Variants in PIK3AP1 observed in about 807,000 individuals in gnomAD.
PIK3AP1 encodes the protein phosphoinositide 3-kinase adapter protein 1.
In PIK3AP1, 21 loss-of-function variants were observed where a neutral mutation model predicts 88.1. The observed-to-expected ratio is 0.24, with a 90% CI of 0.17 to 0.34. The LOEUF (loss-of-function observed/expected upper bound fraction) is 0.34. Among genes scored for constraint, PIK3AP1 ranks in the 10% least tolerant of loss-of-function variants. The pLI is 1.00. For synonymous variants in PIK3AP1, 398 were observed against 400.0 expected (o/e 1.00, Z 0.06); for missense variants, 828 against 1,035.7 (o/e 0.80, Z 2.75).
At chr10:96,646,989 C>G (rs1843468899) in intron 7 of PIK3AP1, among the ~76,000 whole-genome samples, 1 of 152,162 alleles carries the variant, frequency 6.6e-6, no homozygotes, top group Non-Finnish European at 1.5e-5. Flanking sequence ...AAACAGATGA[C>G]AGCTGTGAAA....
At chr10:96,648,401 C>T (rs1023941689) in intron 7 of PIK3AP1, among the ~76,000 whole-genome samples, 6 of 152,148 alleles carry the variant, frequency 3.9e-5, no homozygotes, top group African/African-American at 1.4e-4. Flanking sequence ...GATTATCTTC[C>T]TTCTGCATAT....
chr10:96,616,561 C>T (rs1849217944), intron 13 of PIK3AP1, 78 bp downstream of exon 13: 1 of 1,508,860 alleles, frequency 6.6e-7, no homozygotes, highest in African/African-American at 1.4e-5. Flanking sequence ...CCCACTCAGG[C>T]CACAGCCAAA....
At chr10:96,597,292 T>TTCCTTCCTTCCTTCCC in intron 16 of PIK3AP1, among the ~76,000 whole-genome samples, 1 of 127,364 alleles carries the variant, frequency 7.9e-6, no homozygotes, top group African/African-American at 3.1e-5. Flanking sequence ...CCTTCCTTCC[T>TTCCTTCCTTCCTTCCC]TCCTTCCTTC....
chr10:96,612,123 G>A (rs1377696074), intron 13 of PIK3AP1, among the ~76,000 whole-genome samples: 2 of 152,156 alleles, frequency 1.3e-5, no homozygotes, highest in Non-Finnish European at 2.9e-5. Context: ...TAAAGGAATT[G>A]GATCATAAAG....
rs868332187 is a variant in PIK3AP1 at position 96,647,858 on chromosome 10, G to A, written c.1185+801C>T. ...GTCTGTGAAGAAGGAGGAAAACCAC[G>A]AGGGACTGGGATCAGGAAGAGCAGC... On this transcript the variant is annotated intron_variant, in intron 7 of 16. Transcript: ENST00000339364. Among the ~76,000 whole-genome samples the A allele has an allele frequency of 2.1e-4, 32 of 152,288 alleles. No homozygotes were observed. The Middle Eastern group carries it at 0.02, about 97-fold the overall frequency.
chr10:96,708,344 G>A (rs1400438213), intron 2 of PIK3AP1, among the ~76,000 whole-genome samples: 1 of 152,096 alleles, frequency 6.6e-6, no homozygotes, highest in Non-Finnish European at 1.5e-5. Flanking sequence ...GGAGGCCGAG[G>A]CAGGTGGATC....
intron 2 of PIK3AP1, among the ~76,000 whole-genome samples, chr10:96,709,346 T>C (rs1196972030): frequency 1.3e-5 from 2 of 151,982 alleles, no homozygotes; most frequent in African/African-American, 4.8e-5. Context: ...GCCTTTGCCC[T>C]AGTACAGAAG....
At chr10:96,632,772 G>T in intron 8 of PIK3AP1, 1 of 1,305,608 alleles carries the variant, frequency 7.7e-7, no homozygotes, top group Non-Finnish European at 1.1e-6. Context: ...GTGGGCATTA[G>T]GATCGCAATG....
Position 96,616,619 on chromosome 10 carries a change from C to A in PIK3AP1, c.2014+20G>T, listed in dbSNP as rs1281116526. 1.9e-6 allele frequency: 3 copies of A among 1,612,312 alleles called. No individual in the cohort carries two copies. Among genetic ancestry groups the A allele is most frequent in the Non-Finnish European group, 2.5e-6 (3 of 1,178,506 alleles). On this transcript the variant is annotated intron_variant, in intron 13 of 16. Transcript: ENST00000339364. Reference sequence around the variant, plus strand: ...GACAGCAATGTCCCACACAATGCAGCACCCTAGGAAGCCACATACCTGTCT... The same window carrying A: ...GACAGCAATGTCCCACACAATGCAGAACCCTAGGAAGCCACATACCTGTCT...
intron 8 of PIK3AP1, 55 bp from the exon 9 acceptor site, chr10:96,628,548 G>A (rs1222820496): frequency 1.5e-6 from 2 of 1,359,706 alleles, no homozygotes; most frequent in East Asian, 4.6e-5. Context: ...CAGGCAAGGA[G>A]ATTTTTACAG....
In PIK3AP1 at chr10:96,594,683, C is replaced by T. The variant is rs921981999; in HGVS notation, c.*894G>A. 2.6e-5 allele frequency: 4 copies of T among 152,186 alleles called. No individual in the cohort carries two copies. Among genetic ancestry groups the T allele is most frequent in the Non-Finnish European group, 5.9e-5 (4 of 68,034 alleles). 9.4% of individuals were successfully genotyped at this position (152,186 alleles called of 1,614,324 possible). Reference sequence around the variant, plus strand: ...GCACTAAGTGGGGTCCCTGGAATCCCCAGCTTCTGGTTTCCAGCCACTTCT... The same window carrying T: ...GCACTAAGTGGGGTCCCTGGAATCCTCAGCTTCTGGTTTCCAGCCACTTCT... On this transcript the variant is annotated 3_prime_UTR_variant, in exon 17 of 17. Coordinates refer to ENST00000339364, the MANE Select transcript of PIK3AP1 (RefSeq NM_152309.3). The surrounding 1 kb of genome is among the most constrained non-coding windows in gnomAD (Gnocchi z 4.6).
rs777081321 is a variant in PIK3AP1 at position 96,709,827 on chromosome 10, TCCTCTGCCGAGAAGGAGG to T, written c.152_169del (p.Ala51_Glu56del). Reference sequence around the variant, plus strand: ...GCGGGTGCTGAGGAAAAGGCTTAGGTCCTCTGCCGAGAAGGAGGCCTCGGGGCCCAGCCTGTGAGTCAG... The same window carrying T: ...GCGGGTGCTGAGGAAAAGGCTTAGGTCCTCGGGGCCCAGCCTGTGAGTCAG... On this transcript the variant is annotated inframe_deletion, in exon 2 of 17. Transcript: ENST00000339364. The T allele has an allele frequency of 6.2e-7, 1 of 1,613,938 alleles. No homozygotes were observed. Among genetic ancestry groups the T allele is most frequent in the South Asian group, 1.1e-5 (1 of 91,072 alleles).
chr10:96,621,493 AG>A (rs1843083077), intron 11 of PIK3AP1: 1 of 152,420 alleles, frequency 6.6e-6, no homozygotes, highest in African/African-American at 2.4e-5. Flanking sequence ...CAGCTCTCCC[AG>A]GACTTGATCT....
chr10:96,608,754 T>C (rs1849047799), intron 14 of PIK3AP1, among the ~76,000 whole-genome samples: 1 of 152,210 alleles, frequency 6.6e-6, no homozygotes, highest in Admixed American at 6.5e-5. Context: ...GGCTTTGTGA[T>C]GCAGAAAAGA....
chr10:96,619,447 C>G (rs574786882), intron 12 of PIK3AP1: 6 of 152,472 alleles, frequency 3.9e-5, no homozygotes, highest in African/African-American at 1.2e-4. Context: ...TCGGGCCTGG[C>G]TAGTACTTTG....
Position 96,630,578 on chromosome 10 carries a change from T to C in PIK3AP1, c.1376-2085A>G, listed in dbSNP as rs183394770. Among the ~76,000 whole-genome samples, 33 of 152,110 alleles carry C rather than the reference T, an allele frequency of 2.2e-4. No individual in the cohort carries two copies. The East Asian group carries it at 6.0e-3, about 28-fold the overall frequency. On this transcript the variant is annotated intron_variant, in intron 8 of 16. Coordinates refer to ENST00000339364, the MANE Select transcript of PIK3AP1 (RefSeq NM_152309.3). Reference sequence around the variant, plus strand: ...GGCCGGGCACAGGGTATCACACCTGTAATCCCAGCACTTTGGAAGGCTGAG... The same window carrying C: ...GGCCGGGCACAGGGTATCACACCTGCAATCCCAGCACTTTGGAAGGCTGAG...
At chr10:96,652,572 C>CA (rs377736408) in intron 4 of PIK3AP1, 126 bp downstream of exon 4, 84,036 of 867,656 alleles carry the variant, frequency 0.097, 34 homozygotes, top group East Asian at 0.11. Context: ...GACTCTGTCT[C>CA]AAAAAAAAAA....
At chr10:96,652,876 CT>C (rs1843560438) in intron 3 of PIK3AP1, 34 bp from the exon 4 acceptor site, 1 of 1,604,918 alleles carries the variant, frequency 6.2e-7, no homozygotes, top group Non-Finnish European at 8.5e-7. Flanking sequence ...TCCCCTCTCC[CT>C]CTCAGATCCC....
intron 1 of PIK3AP1, among the ~76,000 whole-genome samples, chr10:96,711,976 G>A (rs939226822): frequency 2.0e-5 from 3 of 151,230 alleles, no homozygotes; most frequent in Non-Finnish European, 2.9e-5. Flanking sequence ...GGATGGTCTC[G>A]ATCTCCTGAC....
Sources: gnomAD v4.1 joint callset for allele counts (sites outside exome capture counted in the v4.1 genomes callset) on GRCh38, gnomAD v4.1.1 for gene constraint, Gnocchi (gnomAD v3.1) non-coding constraint, MANE v1.5 for transcripts, NCBI Gene and HGNC (gene_info 2026-07-23, HGNC 2026-07-21) for gene names.